FAT3: variants seen among roughly 807,000 people sequenced by gnomAD.
FAT3 encodes FAT atypical cadherin 3.
FAT3 carries 95 observed loss-of-function variants against 310.2 expected under a neutral mutation model. The observed-to-expected ratio is 0.31, with a 90% CI of 0.26 to 0.36. The LOEUF is 0.36. Among genes scored for constraint, FAT3 ranks in the 10% least tolerant of loss-of-function variants. The pLI is 1.00. For synonymous variants in FAT3, 2,314 were observed against 2,192.9 expected (o/e 1.06, Z -1.54); for missense variants, 5,408 against 5,715.6 (o/e 0.95, Z 1.74).
rs116857294 is a variant in FAT3 at position 92,856,923 on chromosome 11, C to G, written c.11366-291C>G. On this transcript the variant is annotated intron_variant, in intron 19 of 27. Transcript: ENST00000525166. ...TCAGCTGAAGTTGGTCCAGATGTAA[C>G]TTAACATATTTTAGCCTAAAACAAG... is the stretch of plus-strand genomic sequence containing the variant. 2.4e-3 allele frequency among the ~76,000 whole-genome samples: 367 copies of G among 152,250 alleles called. 3 individuals carry two copies. The highest frequency in any genetic ancestry group is 3.9e-3 in the Non-Finnish European group (264 of 68,018).
rs760581836 is a variant in FAT3, at chr11:92,806,362, G to T, written c.9094G>T (p.Val3032Phe). The change falls in exon 12 of 28, where the codon GTT becomes TTT. Residue 3032 changes from valine (V) to phenylalanine (F), a missense_variant and splice_region_variant. Val to Phe is a conservative substitution (Grantham distance 50, BLOSUM62 -1). Transcript: ENST00000525166. ...VNDNSPVCDQVAYTALLPEDI... is the reference protein window; with the variant it reads ...VNDNSPVCDQFAYTALLPEDI... ...ATTACCTTTCTTCACCTTTGTCCAG[G>T]TTGCATATACAGCATTACTTCCTGA... The T allele has an allele frequency of 5.6e-6, 9 of 1,597,824 alleles. No homozygotes were observed. Among genetic ancestry groups the T allele is most frequent in the Admixed American group, 1.7e-5 (1 of 57,994 alleles).
intron 3 of FAT3, among the ~76,000 whole-genome samples, chr11:92,619,402 C>T (rs1211553859): frequency 6.6e-6 from 1 of 152,090 alleles, no homozygotes; most frequent in Non-Finnish European, 1.5e-5. Flanking sequence ...CTCTTCTCCC[C>T]TATATTTTGG....
chr11:92,341,958 CATTCA>C (rs1002637953), intron 1 of FAT3, among the ~76,000 whole-genome samples: 2 of 152,126 alleles, frequency 1.3e-5, no homozygotes, highest in African/African-American at 4.8e-5. Flanking sequence ...TCACTCTTCT[CATTCA>C]ATTCATTTTA....
At chr11:92,282,713 A>T (rs1419167148) in intron 1 of FAT3, among the ~76,000 whole-genome samples, 5 of 152,148 alleles carry the variant, frequency 3.3e-5, no homozygotes, top group African/African-American at 1.2e-4. Flanking sequence ...TATGTCAATT[A>T]AAATTGTTTT....
At chr11:92,838,555 C>T (rs1402537864) in intron 17 of FAT3, among the ~76,000 whole-genome samples, 1 of 152,078 alleles carries the variant, frequency 6.6e-6, no homozygotes, top group Admixed American at 6.6e-5. Flanking sequence ...AAATCTAGCC[C>T]AGGAAAACTG....
intron 1 of FAT3, among the ~76,000 whole-genome samples, chr11:92,250,941 C>T (rs911700614): frequency 3.9e-5 from 6 of 152,070 alleles, no homozygotes; most frequent in African/African-American, 1.2e-4. Context: ...AAATGACATC[C>T]GCTCTTACAA....
chr11:92,843,901 C>A, intron 18 of FAT3, 33 bp from the exon 19 acceptor site: 1 of 1,546,216 alleles, frequency 6.5e-7, no homozygotes, highest in Admixed American at 2.0e-5. Flanking sequence ...AGTTTTCTTC[C>A]TTTGTTGCCT....
chr11:92,457,180 C>T (rs1951513587), intron 2 of FAT3, among the ~76,000 whole-genome samples: 1 of 152,198 alleles, frequency 6.6e-6, no homozygotes, highest in South Asian at 2.1e-4. Flanking sequence ...TCCCCTAAGC[C>T]TCTCTTTAAT....
At chr11:92,732,088 AT>A (rs547864605) in intron 4 of FAT3, among the ~76,000 whole-genome samples, 2 of 150,914 alleles carry the variant, frequency 1.3e-5, no homozygotes, top group South Asian at 4.1e-4. Flanking sequence ...CTTGGGGGAT[AT>A]TTTTTTATTC....
intron 2 of FAT3, among the ~76,000 whole-genome samples, chr11:92,439,481 A>G (rs1465202681): frequency 1.3e-5 from 2 of 152,188 alleles, no homozygotes; most frequent in Admixed American, 1.3e-4. Flanking sequence ...CATTTAATGA[A>G]TGTCTACCAC....
chr11:92,257,442 G>A (rs1018671145), intron 1 of FAT3, among the ~76,000 whole-genome samples: 1 of 152,010 alleles, frequency 6.6e-6, no homozygotes, highest in Non-Finnish European at 1.5e-5. Context: ...GAACTATAGG[G>A]AACAATCTTG....
At chr11:92,629,088 A>C (rs1447536077) in intron 3 of FAT3, among the ~76,000 whole-genome samples, 2 of 152,240 alleles carry the variant, frequency 1.3e-5, no homozygotes, top group Non-Finnish European at 2.9e-5. Context: ...AGGAAGTACA[A>C]CCTTTCTTAT....
At chr11:92,565,357 T>G (rs1318887772) in intron 3 of FAT3, among the ~76,000 whole-genome samples, 5 of 133,286 alleles carry the variant, frequency 3.8e-5, no homozygotes, top group African/African-American at 1.0e-4. Context: ...CATCTCTGAA[T>G]AGACCAATAA....
chr11:92,519,447 C>A (rs1409707916), intron 2 of FAT3, among the ~76,000 whole-genome samples: 1 of 151,922 alleles, frequency 6.6e-6, no homozygotes, highest in Non-Finnish European at 1.5e-5. Context: ...AAACACAGGA[C>A]AAAATTTTTA....
intron 2 of FAT3, among the ~76,000 whole-genome samples, chr11:92,454,142 G>C (rs1305048213): frequency 6.6e-6 from 1 of 152,126 alleles, no homozygotes; most frequent in Non-Finnish European, 1.5e-5. Flanking sequence ...ACTAAGTCAT[G>C]AAAATCCAGT....
intron 1 of FAT3, among the ~76,000 whole-genome samples, chr11:92,253,577 A>G (rs1661610675): frequency 1.3e-5 from 2 of 152,012 alleles, no homozygotes; most frequent in Admixed American, 1.3e-4. Flanking sequence ...TGGTGCTCTC[A>G]CTTGCCAAGA....
intron 3 of FAT3, among the ~76,000 whole-genome samples, chr11:92,625,605 C>T (rs1187047501): frequency 6.6e-6 from 1 of 152,146 alleles, no homozygotes; most frequent in Non-Finnish European, 1.5e-5. Flanking sequence ...GCTACATACA[C>T]ACAGATGCCA....
At chr11:92,454,141 T>C (rs1013428218) in intron 2 of FAT3, among the ~76,000 whole-genome samples, 6 of 152,180 alleles carry the variant, frequency 3.9e-5, no homozygotes, top group African/African-American at 1.4e-4. Context: ...TACTAAGTCA[T>C]GAAAATCCAG....
intron 2 of FAT3, among the ~76,000 whole-genome samples, chr11:92,505,199 C>G (rs780833459): frequency 6.6e-6 from 1 of 152,114 alleles, no homozygotes; most frequent in Non-Finnish European, 1.5e-5. Flanking sequence ...CCTGCTACCT[C>G]CGTTGAACCA....
Sources: gnomAD v4.1 joint callset for allele counts (sites outside exome capture counted in the v4.1 genomes callset) on GRCh38, gnomAD v4.1.1 for gene constraint, MANE v1.5 for transcripts, NCBI Gene and HGNC (gene_info 2026-07-23, HGNC 2026-07-21) for gene names.